Variants in WNK1 observed in about 807,000 individuals in gnomAD.
The protein encoded by WNK1 is WNK lysine deficient protein kinase 1.
WNK1 carries 38 observed loss-of-function variants against 222.8 expected under a neutral mutation model. The ratio of observed to expected loss-of-function variants is 0.17; its 90% CI spans 0.13 to 0.22. WNK1 has a LOEUF of 0.22. Among genes scored for constraint, WNK1 ranks in the 10% least tolerant of loss-of-function variants. The pLI is 1.00. For missense variants in WNK1, 2,348 were observed against 2,918.4 expected, an observed-to-expected ratio of 0.80 and a Z score of 4.50; for synonymous variants, 1,090 against 1,092.9, an observed-to-expected ratio of 1.00 and a Z score of 0.05.
chr12:798,069 T>G (rs1250175600), intron 1 of WNK1, among the ~76,000 whole-genome samples: 1 of 152,210 alleles, frequency 6.6e-6, no homozygotes, highest in Non-Finnish European at 1.5e-5. Context: ...AAATCAATTG[T>G]GTCTGGCTGA....
intron 4 of WNK1, among the ~76,000 whole-genome samples, chr12:850,435 ATTTG>A (rs1236627823): frequency 2.6e-5 from 4 of 152,062 alleles, no homozygotes; most frequent in African/African-American, 9.7e-5. Context: ...TTTCTTGTAA[ATTTG>A]TTTGAGTTCA....
At chr12:756,201 C>A (rs1940003816) in intron 1 of WNK1, among the ~76,000 whole-genome samples, 1 of 152,258 alleles carries the variant, frequency 6.6e-6, no homozygotes, top group East Asian at 1.9e-4. Flanking sequence ...GACCCAATTA[C>A]TTGTTGAGCA....
Position 790,079 on chromosome 12 carries a change from T to A in WNK1, c.760-23563T>A, listed in dbSNP as rs115517199. On this transcript the variant is annotated intron_variant, in intron 1 of 27. Transcript: ENST00000315939. The stretch of plus-strand genomic sequence containing the variant: ...GATACTTAAACCAAATAAAGGATTA[T>A]GGTTAGCAAGGAGGAGGGGGTTTGG... 2.9e-3 allele frequency among the ~76,000 whole-genome samples: 438 copies of A among 152,244 alleles called. 8 individuals are homozygous for A. Among genetic ancestry groups the A allele is most frequent in the African/African-American group, 0.01 (419 of 41,562 alleles).
At chr12:764,759 G>A (rs1211316506) in intron 1 of WNK1, among the ~76,000 whole-genome samples, 1 of 146,550 alleles carries the variant, frequency 6.8e-6, no homozygotes, top group Non-Finnish European at 1.5e-5. Flanking sequence ...GTAAGGGGGA[G>A]GTTGAATAAG....
chr12:853,120 G>C (rs567388539), intron 4 of WNK1, among the ~76,000 whole-genome samples: 64 of 152,148 alleles, frequency 4.2e-4, no homozygotes, highest in African/African-American at 1.5e-3. Flanking sequence ...GGCTAACTTG[G>C]CACCTATGGT....
intron 2 of WNK1, among the ~76,000 whole-genome samples, chr12:814,856 A>T (rs1947214097): frequency 6.6e-6 from 1 of 152,186 alleles, no homozygotes; most frequent in Admixed American, 6.5e-5. Flanking sequence ...AACTCACCAT[A>T]ATGTAGAATC....
At position 910,714 on chromosome 12, in the gene WNK1, TACC is replaced by T. The variant is rs1956020516; in HGVS notation, c.*1925_*1927del. On this transcript the variant is annotated 3_prime_UTR_variant, in exon 28 of 28. Coordinates refer to ENST00000315939, the MANE Select transcript of WNK1 (RefSeq NM_018979.4). ...TGGGAATCACCACCACCACCACCAC[TACC>T]ACAGAAAGAGGCTGGAGGCTCCTGT... 4 of 152,464 alleles carry T rather than the reference TACC, an allele frequency of 2.6e-5. No individual in the cohort carries two copies. Among genetic ancestry groups the T allele is most frequent in the Admixed American group, 2.6e-4 (4 of 15,282 alleles). The allele number at this position is 152,464 out of a possible 1,614,324, so 9.4% of individuals were successfully genotyped here.
chr12:809,403 C>T (rs557094460), intron 1 of WNK1, among the ~76,000 whole-genome samples: 38 of 151,998 alleles, frequency 2.5e-4, no homozygotes, highest in Non-Finnish European at 4.7e-4. Flanking sequence ...CTCACATAGA[C>T]TCTCTTCTTT....
At chr12:908,124 C>A in intron 27 of WNK1, 90 bp downstream of exon 27, 2 of 1,450,564 alleles carry the variant, frequency 1.4e-6, no homozygotes, top group South Asian at 2.4e-5. Flanking sequence ...CGTCTTACGC[C>A]ACGACCTTCT....
intron 12 of WNK1, chr12:881,466 T>C (rs1953153486): frequency 1.8e-6 from 1 of 564,858 alleles, no homozygotes; most frequent in Non-Finnish European, 3.2e-6. Context: ...GCAGATATGT[T>C]GGCTGACCTC....
At chr12:869,219 T>G in intron 8 of WNK1, 1 of 1,459,434 alleles carries the variant, frequency 6.9e-7, no homozygotes, top group South Asian at 1.2e-5. Context: ...TTGTTTAATT[T>G]TATCAGTAGA....
chr12:794,502 AT>A (rs76061362), intron 1 of WNK1, among the ~76,000 whole-genome samples: 41 of 148,088 alleles, frequency 2.8e-4, no homozygotes, highest in Non-Finnish European at 2.8e-4. Flanking sequence ...AGTTGGTTGA[AT>A]TTTTTTTTTT....
At chr12:901,777 C>G (rs1438467190) in intron 26 of WNK1, 2 of 379,440 alleles carry the variant, frequency 5.3e-6, no homozygotes, top group Non-Finnish European at 9.1e-6. Context: ...GGCTGAATTA[C>G]TGTTACCCTC....
Position 757,834 on chromosome 12 carries a change from G to A in WNK1, c.759+3510G>A, listed in dbSNP as rs1176133792. ...GGGTGGATCACGCGGTCAGGAGTTCGAGAACAGCCTGGCCAACATGGCGAA... is the reference window on the plus strand; with the variant it reads ...GGGTGGATCACGCGGTCAGGAGTTCAAGAACAGCCTGGCCAACATGGCGAA... On this transcript the variant is annotated intron_variant, in intron 1 of 27. Coordinates refer to ENST00000315939, the MANE Select transcript of WNK1 (RefSeq NM_018979.4). 6.8e-5 allele frequency among the ~76,000 whole-genome samples: 10 copies of A among 146,536 alleles called. 2 individuals are homozygous for A. The East Asian group carries it at 1.8e-3, about 26-fold the overall frequency.
intron 2 of WNK1, among the ~76,000 whole-genome samples, chr12:815,165 G>C (rs1947245679): frequency 6.6e-6 from 1 of 152,218 alleles, no homozygotes; most frequent in African/African-American, 2.4e-5. Context: ...GCCATGGACT[G>C]ATATTGATCT....
Position 908,861 on chromosome 12 carries a change from G to GGGGGGGGGGGGGCA in WNK1, c.*69_*70insGGGGGGGGGGGGCA. 1.4e-5 allele frequency: 7 copies of GGGGGGGGGGGGGCA among 491,844 alleles called. No homozygotes were observed. The highest frequency in any genetic ancestry group is 1.7e-5 in the Non-Finnish European group (4 of 241,768). The allele number at this position is 491,844 out of a possible 1,614,324, so 30.5% of individuals were successfully genotyped here. ...ATGCTGAGGGGGTGGGTGGGGGTGGGAAGTAGCCTATATACTAACTACTAG... is the reference window on the plus strand; with the variant it reads ...ATGCTGAGGGGGTGGGTGGGGGTGGGGGGGGGGGGGGGCAAAGTAGCCTATATACTAACTACTAG... On this transcript the variant is annotated 3_prime_UTR_variant, in exon 28 of 28. Transcript: ENST00000315939.
intron 1 of WNK1, among the ~76,000 whole-genome samples, chr12:784,691 T>G (rs568959264): frequency 8.5e-5 from 13 of 152,320 alleles, no homozygotes; most frequent in African/African-American, 2.9e-4. Context: ...CATTAAAACT[T>G]TTAGATATTC....
chr12:898,546 TC>T (rs1954945081), intron 25 of WNK1, among the ~76,000 whole-genome samples: 3 of 151,468 alleles, frequency 2.0e-5, no homozygotes, highest in Admixed American at 2.0e-4. Context: ...TAAGTGATAC[TC>T]TTTTGTAATG....
chr12:774,639 A>G (rs191265171), intron 1 of WNK1, among the ~76,000 whole-genome samples: 10 of 152,354 alleles, frequency 6.6e-5, no homozygotes, highest in Admixed American at 5.2e-4. Flanking sequence ...GGGCATGAAC[A>G]TTTAAATACT....
Sources: gnomAD v4.1 joint callset for allele counts (sites outside exome capture counted in the v4.1 genomes callset) on GRCh38, gnomAD v4.1.1 for gene constraint, MANE v1.5 for transcripts, NCBI Gene and HGNC (gene_info 2026-07-23, HGNC 2026-07-21) for gene names.